The following DGKI variants were observed in gnomAD, a reference collection of about 807,000 sequenced individuals.
The protein encoded by DGKI is diacylglycerol kinase iota, also known as DAG kinase iota.
In DGKI, 55 loss-of-function variants were observed where a neutral mutation model predicts 147.5. The observed-to-expected ratio is 0.37, with a 90% CI of 0.30 to 0.47. The LOEUF is 0.47. DGKI is among the 20% of genes least tolerant of loss of function. DGKI has a pLI of 1.00. For synonymous variants in DGKI, 469 were observed against 477.1 expected (o/e 0.98, Z 0.22); for missense variants, 1,007 against 1,323.8 (o/e 0.76, Z 3.71).
At chr7:137,410,353 C>A (rs1237951524) in intron 29 of DGKI, among the ~76,000 whole-genome samples, 1 of 152,068 alleles carries the variant, frequency 6.6e-6, no homozygotes, top group African/African-American at 2.4e-5. Context: ...TGCAGTGAGC[C>A]GAGATCGTGC....
In DGKI at chr7:137,389,694, T is replaced by C. The variant is rs1811288683; in HGVS notation, c.*1526A>G. Reference sequence around the variant, plus strand: ...AAAGACAGACATTTTCTTCTGATATTTTAGGGATCACAGAGTCCCTAAGAG... The same window carrying C: ...AAAGACAGACATTTTCTTCTGATATCTTAGGGATCACAGAGTCCCTAAGAG... On this transcript the variant is annotated 3_prime_UTR_variant, in exon 33 of 33. Transcript: ENST00000614521. 2 of 152,176 alleles carry C rather than the reference T, an allele frequency of 1.3e-5. No homozygotes were observed. The allele number at this position is 152,176 out of a possible 1,614,324, so 9.4% of individuals were successfully genotyped here.
chr7:137,795,172 G>C (rs1245857296), intron 1 of DGKI, among the ~76,000 whole-genome samples: 1 of 152,152 alleles, frequency 6.6e-6, no homozygotes, highest in Non-Finnish European at 1.5e-5. Flanking sequence ...AATAAAAATG[G>C]CTTATTCTAC....
chr7:137,511,649 G>T (rs1047366884), intron 21 of DGKI, among the ~76,000 whole-genome samples: 3 of 152,182 alleles, frequency 2.0e-5, no homozygotes, highest in Non-Finnish European at 4.4e-5. Context: ...TTGAATGAAT[G>T]AACTCAAGGA....
At chr7:137,638,466 G>GTATATATATACACACATATATGTATA (rs1366199195) in intron 6 of DGKI, among the ~76,000 whole-genome samples, 1 of 24,586 alleles carries the variant, frequency 4.1e-5, no homozygotes, top group African/African-American at 9.8e-5. Context: ...ATATATGTGT[G>GTATATATATACACACATATATGTATA]TATATATGTG....
At chr7:137,482,542 T>C (rs2128934340) in intron 23 of DGKI, among the ~76,000 whole-genome samples, 1 of 152,030 alleles carries the variant, frequency 6.6e-6, no homozygotes, top group African/African-American at 2.4e-5. Context: ...AACTGCCTAC[T>C]CACCAACCCC....
intron 1 of DGKI, among the ~76,000 whole-genome samples, chr7:137,743,039 C>T (rs1365700481): frequency 1.3e-5 from 2 of 152,098 alleles, no homozygotes; most frequent in African/African-American, 2.4e-5. Context: ...CAAAGAAGGA[C>T]ACTACATAAT....
chr7:137,793,136 C>G (rs999751146), intron 1 of DGKI, among the ~76,000 whole-genome samples: 1 of 152,102 alleles, frequency 6.6e-6, no homozygotes, highest in Admixed American at 6.5e-5. Context: ...GATGTCTCTA[C>G]TTTGTAATAC....
intron 20 of DGKI, among the ~76,000 whole-genome samples, chr7:137,551,373 T>G (rs1053816201): frequency 2.0e-5 from 3 of 152,114 alleles, no homozygotes; most frequent in Non-Finnish European, 2.9e-5. Context: ...TACCGTTATA[T>G]TGACTCAATA....
intron 12 of DGKI, among the ~76,000 whole-genome samples, chr7:137,595,422 C>T (rs1290250100): frequency 2.6e-5 from 4 of 152,192 alleles, no homozygotes; most frequent in African/African-American, 9.7e-5. Flanking sequence ...TTCAGTCTCT[C>T]CTTAAAAATG....
intron 1 of DGKI, among the ~76,000 whole-genome samples, chr7:137,710,248 C>T (rs1563161168): frequency 6.6e-6 from 1 of 151,998 alleles, no homozygotes; most frequent in Non-Finnish European, 1.5e-5. Flanking sequence ...ATCAAAAGTC[C>T]CACAGGCTTT....
intron 21 of DGKI, among the ~76,000 whole-genome samples, chr7:137,517,615 T>C (rs1418273188): frequency 6.6e-6 from 1 of 152,110 alleles, no homozygotes; most frequent in East Asian, 1.9e-4. Context: ...TGTTTAACAA[T>C]GAGAAAAACT....
intron 20 of DGKI, among the ~76,000 whole-genome samples, chr7:137,539,699 G>A (rs1817626315): frequency 6.6e-6 from 1 of 151,068 alleles, no homozygotes. Flanking sequence ...AAAAAAATGG[G>A]AAAAAAAGAG....
chr7:137,741,903 C>T (rs1585431576), intron 1 of DGKI, among the ~76,000 whole-genome samples: 1 of 152,134 alleles, frequency 6.6e-6, no homozygotes, highest in African/African-American at 2.4e-5. Context: ...GCTCTCAGTG[C>T]TTTTACATCT....
At chr7:137,434,513 G>A (rs142718711) in intron 28 of DGKI, among the ~76,000 whole-genome samples, 2,822 of 151,910 alleles carry the variant, frequency 0.019, 76 homozygotes, top group African/African-American at 0.064. Flanking sequence ...CCTGGGAGAC[G>A]GAGGTTGCAG....
chr7:137,419,093 C>T (rs938389636), intron 28 of DGKI, among the ~76,000 whole-genome samples: 2 of 152,174 alleles, frequency 1.3e-5, no homozygotes, highest in Non-Finnish European at 2.9e-5. Flanking sequence ...TGCCTCCCCC[C>T]TTCCCCAGGT....
chr7:137,585,158 C>G, intron 14 of DGKI, 51 bp downstream of exon 14: 1 of 1,604,744 alleles, frequency 6.2e-7, no homozygotes. Flanking sequence ...TTTCCTGTAG[C>G]TCAGGCAGAT....
chr7:137,715,603 T>C lies in DGKI; in HGVS notation c.402-25601A>G, dbSNP rs145814216. On this transcript the variant is annotated intron_variant, in intron 1 of 32. Transcript: ENST00000614521. ...TCACTATTAAAGTCCCAGCTTCACT[T>C]AGGGCAATACTATGGCATATGCCTA... 8.7e-3 allele frequency among the ~76,000 whole-genome samples: 1,332 copies of C among 152,290 alleles called. 24 individuals carry two copies. The highest frequency in any genetic ancestry group is 0.03 in the African/African-American group (1,242 of 41,558).
At chr7:137,617,007 T>C (rs1178317109) in intron 8 of DGKI, among the ~76,000 whole-genome samples, 3 of 151,064 alleles carry the variant, frequency 2.0e-5, no homozygotes, top group Admixed American at 6.6e-5. Flanking sequence ...AACTTTATGA[T>C]AGACAGATTA....
At chr7:137,574,378 A>T (rs531741489) in intron 17 of DGKI, among the ~76,000 whole-genome samples, 1 of 152,372 alleles carries the variant, frequency 6.6e-6, no homozygotes, top group Admixed American at 6.5e-5. Flanking sequence ...TGAATAAAAA[A>T]GTAGACATTG....
Sources: allele counts gnomAD v4.1 joint callset (sites outside exome capture counted in the v4.1 genomes callset), GRCh38; gene constraint gnomAD v4.1.1; transcripts MANE v1.5; gene names NCBI Gene and HGNC (gene_info 2026-07-23, HGNC 2026-07-21).